Variants in LRRTM4 observed in about 807,000 individuals in gnomAD.
The protein encoded by LRRTM4 is leucine rich repeat transmembrane neuronal 4.
In LRRTM4, 25 loss-of-function variants were observed where a neutral mutation model predicts 47.6. The observed-to-expected ratio is 0.53, with a 90% confidence interval of 0.38 to 0.73. LRRTM4 has a LOEUF of 0.73. Among genes scored for constraint, LRRTM4 ranks in the 30% least tolerant of loss-of-function variants. The probability of loss-of-function intolerance (pLI) is 0.00; values close to 1 mark genes in which losing one functional copy is unlikely to be tolerated. For synonymous variants in LRRTM4, 311 were observed against 269.5 expected (o/e 1.15, Z -1.51); for missense variants, 638 against 713.4 (o/e 0.89, Z 1.20).
chr2:77,090,180 G>GC (rs1364096290), intron 3 of LRRTM4, among the ~76,000 whole-genome samples: 1 of 152,120 alleles, frequency 6.6e-6, no homozygotes, highest in African/African-American at 2.4e-5. Flanking sequence ...TCCGTGACTA[G>GC]CCCTCCCCGT....
At chr2:77,192,283 C>A (rs749840091) in intron 3 of LRRTM4, among the ~76,000 whole-genome samples, 30 of 151,962 alleles carry the variant, frequency 2.0e-4, no homozygotes, top group Non-Finnish European at 8.8e-5. Flanking sequence ...GCTATACATG[C>A]ATTTTATTGA....
chr2:77,313,807 T>C (rs1677542044), intron 3 of LRRTM4, among the ~76,000 whole-genome samples: 1 of 152,194 alleles, frequency 6.6e-6, no homozygotes, highest in Admixed American at 6.5e-5. Context: ...TAAACATCAA[T>C]GATTCTTCAA....
intron 3 of LRRTM4, among the ~76,000 whole-genome samples, chr2:77,183,489 T>C (rs1257542742): frequency 6.6e-6 from 1 of 152,278 alleles, no homozygotes; most frequent in East Asian, 1.9e-4. Context: ...GGTGGGACTG[T>C]AAACTAGTTC....
In LRRTM4 at chr2:77,051,767, A is replaced by G. The variant is rs75306630; in HGVS notation, c.1552-302851T>C. 1.1e-3 allele frequency among the ~76,000 whole-genome samples: 171 copies of G among 152,256 alleles called. 4 individuals are homozygous for G. The East Asian group carries it at 0.031, about 28-fold the overall frequency. ...TACATAAAGACAAAATTAATGATCA[A>G]ATTTGCAACTTGAGCACCTGAATAA... is the stretch of plus-strand genomic sequence containing the variant. On this transcript the variant is annotated intron_variant, in intron 3 of 3. Transcript: ENST00000409884.
intron 3 of LRRTM4, among the ~76,000 whole-genome samples, chr2:77,266,611 A>C (rs527867235): frequency 6.6e-6 from 1 of 152,238 alleles, no homozygotes; most frequent in African/African-American, 2.4e-5. Context: ...TTCTGATGAG[A>C]AAAGGGCCTA....
chr2:77,094,580 A>T (rs575097588), intron 3 of LRRTM4, among the ~76,000 whole-genome samples: 31 of 152,322 alleles, frequency 2.0e-4, no homozygotes, highest in South Asian at 8.3e-4. Flanking sequence ...AAATATAGAT[A>T]CATCTACCAG....
At chr2:77,464,115 G>A (rs1676888834) in intron 3 of LRRTM4, among the ~76,000 whole-genome samples, 1 of 152,028 alleles carries the variant, frequency 6.6e-6, no homozygotes, top group Non-Finnish European at 1.5e-5. Flanking sequence ...GATTTGGAAG[G>A]ACAGACAAGG....
In LRRTM4 at chr2:76,911,935, T is replaced by TGG. The variant is rs369269382; in HGVS notation, c.1552-163021_1552-163020dup. Among the ~76,000 whole-genome samples, 106 of 94,268 alleles carry TGG rather than the reference T, an allele frequency of 1.1e-3. 1 individual carries two copies. Among genetic ancestry groups the TGG allele is most frequent in the Non-Finnish European group, 1.6e-3 (68 of 41,960 alleles). The allele number at this position is 94,268 out of a possible 152,430, so 61.8% of individuals were successfully genotyped here. ...AGAGTGAGTTGTGGTATGTGCTTTT[T>TGG]GGGGGGGGGGGGGGGACAGAGTCTC... On this transcript the variant is annotated intron_variant, in intron 3 of 3. Transcript: ENST00000409884.
At chr2:77,480,658 G>A (rs1490404802) in intron 3 of LRRTM4, among the ~76,000 whole-genome samples, 5 of 151,768 alleles carry the variant, frequency 3.3e-5, no homozygotes, top group Admixed American at 2.0e-4. Context: ...AGCAGCAGGG[G>A]GTAAAAAAGA....
chr2:77,443,010 A>G (rs897142439), intron 3 of LRRTM4, among the ~76,000 whole-genome samples: 1 of 152,178 alleles, frequency 6.6e-6, no homozygotes, highest in Non-Finnish European at 1.5e-5. Context: ...ATCTATTTGT[A>G]TTACTAATAA....
chr2:76,781,391 T>C (rs1489412342), intron 3 of LRRTM4, among the ~76,000 whole-genome samples: 1 of 152,228 alleles, frequency 6.6e-6, no homozygotes, highest in Non-Finnish European at 1.5e-5. Context: ...ACTGCTGTGC[T>C]AGCAATCAGC....
chr2:77,398,133 A>G (rs1047691265), intron 3 of LRRTM4, among the ~76,000 whole-genome samples: 1 of 151,878 alleles, frequency 6.6e-6, no homozygotes, highest in African/African-American at 2.4e-5. Flanking sequence ...TAATTATTCC[A>G]GTGCAAATAA....
intron 3 of LRRTM4, among the ~76,000 whole-genome samples, chr2:77,130,273 C>A (rs79165248): frequency 0.022 from 3,382 of 152,172 alleles, 133 homozygotes; most frequent in African/African-American, 0.077. Flanking sequence ...ACTTTATTAA[C>A]AAGTAGGCAT....
intron 3 of LRRTM4, among the ~76,000 whole-genome samples, chr2:77,104,275 T>C (rs1378454006): frequency 6.6e-6 from 1 of 152,136 alleles, no homozygotes; most frequent in Non-Finnish European, 1.5e-5. Flanking sequence ...TTCTCTTACC[T>C]GAACTGATGT....
intron 3 of LRRTM4, among the ~76,000 whole-genome samples, chr2:77,151,064 T>C (rs1419290982): frequency 6.6e-6 from 1 of 152,150 alleles, no homozygotes; most frequent in Non-Finnish European, 1.5e-5. Context: ...CATGTGCAAA[T>C]ACCTGTGAAA....
intron 3 of LRRTM4, among the ~76,000 whole-genome samples, chr2:76,776,192 G>A (rs1174280384): frequency 4.6e-5 from 7 of 152,108 alleles, no homozygotes; most frequent in Non-Finnish European, 5.9e-5. Flanking sequence ...AGTCTTTGCT[G>A]TTGTGAATAA....
At chr2:77,297,334 TA>T (rs1331582760) in intron 3 of LRRTM4, among the ~76,000 whole-genome samples, 1 of 152,198 alleles carries the variant, frequency 6.6e-6, no homozygotes. Flanking sequence ...AAAAGTTAAC[TA>T]AAATTTAATG....
chr2:77,314,906 C>G (rs541679989), intron 3 of LRRTM4, among the ~76,000 whole-genome samples: 16 of 152,126 alleles, frequency 1.1e-4, no homozygotes, highest in Non-Finnish European at 1.5e-5. Flanking sequence ...CAGGCAATCA[C>G]GAGGGTAAAC....
chr2:76,790,924 G>A (rs552918655), intron 3 of LRRTM4, among the ~76,000 whole-genome samples: 2 of 152,260 alleles, frequency 1.3e-5, no homozygotes, highest in Admixed American at 6.5e-5. Context: ...ATACTAAGCT[G>A]TTATAGTGGA....
Sources: allele counts gnomAD v4.1 joint callset (sites outside exome capture counted in the v4.1 genomes callset), GRCh38; gene constraint gnomAD v4.1.1; transcripts MANE v1.5; gene names NCBI Gene and HGNC (gene_info 2026-07-23, HGNC 2026-07-21).